Variants in PPFIA2 observed in about 807,000 individuals in gnomAD.
The protein encoded by PPFIA2 is liprin-alpha-2.
Under a neutral mutation model 175.5 loss-of-function variants are expected in PPFIA2, and 46 were observed. The ratio of observed to expected loss-of-function variants is 0.26; its 90% CI spans 0.21 to 0.34. The LOEUF (loss-of-function observed/expected upper bound fraction) is 0.34. PPFIA2 is among the 10% of genes least tolerant of loss of function. The pLI, the probability that PPFIA2 is intolerant of heterozygous loss-of-function variation, is 1.00. For missense variants in PPFIA2, 1,179 were observed against 1,506.1 expected (o/e 0.78, Z 3.60); for synonymous variants, 568 against 511.4 (o/e 1.11, Z -1.49).
intron 18 of PPFIA2, among the ~76,000 whole-genome samples, chr12:81,346,467 T>C (rs1032076755): frequency 1.3e-5 from 2 of 149,078 alleles, no homozygotes; most frequent in African/African-American, 2.4e-5. Flanking sequence ...TTATTATATA[T>C]AAATATATAT....
intron 4 of PPFIA2, among the ~76,000 whole-genome samples, chr12:81,460,590 G>T (rs2054351963): frequency 1.3e-5 from 2 of 152,052 alleles, no homozygotes; most frequent in Admixed American, 1.3e-4. Context: ...CTGAGACTGT[G>T]TAGAGGCAGA....
chr12:81,307,947 A>G (rs1325659766), intron 22 of PPFIA2, among the ~76,000 whole-genome samples: 1 of 125,258 alleles, frequency 8.0e-6, no homozygotes, highest in Non-Finnish European at 1.7e-5. Context: ...CTTATCCTTC[A>G]GACAGAACTC....
chr12:81,348,554 G>A (rs1191263554), intron 17 of PPFIA2, among the ~76,000 whole-genome samples: 5 of 151,962 alleles, frequency 3.3e-5, no homozygotes, highest in African/African-American at 1.2e-4. Context: ...TGGCCAATAT[G>A]GTGAAACCCC....
intron 4 of PPFIA2, among the ~76,000 whole-genome samples, chr12:81,597,156 T>G (rs1201258541): frequency 6.6e-6 from 1 of 152,096 alleles, no homozygotes; most frequent in Admixed American, 6.6e-5. Context: ...TCAAGTTCCT[T>G]TTTCATGTAA....
chr12:81,407,105 G>A (rs1229550006), intron 7 of PPFIA2, among the ~76,000 whole-genome samples: 3 of 152,154 alleles, frequency 2.0e-5, no homozygotes, highest in African/African-American at 4.8e-5. Context: ...GCTTACTCTT[G>A]TTCATCTACA....
chr12:81,660,064 G>A (rs924071760), intron 4 of PPFIA2, among the ~76,000 whole-genome samples: 2 of 152,076 alleles, frequency 1.3e-5, no homozygotes, highest in Non-Finnish European at 2.9e-5. Flanking sequence ...CATCATCAAA[G>A]ACCAAAGGTA....
At chr12:81,686,273 C>A (rs556133260) in intron 3 of PPFIA2, among the ~76,000 whole-genome samples, 1 of 152,118 alleles carries the variant, frequency 6.6e-6, no homozygotes, top group South Asian at 2.1e-4. Flanking sequence ...GAGCTGAGAA[C>A]ATCAGATTTA....
intron 25 of PPFIA2, 147 bp downstream of exon 25, chr12:81,284,094 G>T: frequency 1.6e-6 from 1 of 644,798 alleles, no homozygotes; most frequent in African/African-American, 1.8e-5. Context: ...TGCAGTAAAA[G>T]AAAACTGTAA....
intron 2 of PPFIA2, among the ~76,000 whole-genome samples, chr12:81,756,080 T>G (rs1328898855): frequency 6.6e-6 from 1 of 151,186 alleles, no homozygotes; most frequent in Non-Finnish European, 1.5e-5. Flanking sequence ...AACGATTAGT[T>G]AGCAGGCCAT....
At chr12:81,305,492 T>C (rs2048918199) in intron 22 of PPFIA2, among the ~76,000 whole-genome samples, 1 of 152,172 alleles carries the variant, frequency 6.6e-6, no homozygotes, top group Non-Finnish European at 1.5e-5. Flanking sequence ...AAATTGCATT[T>C]CCAGATTTAC....
At chr12:81,392,781 C>T (rs978416822) in intron 8 of PPFIA2, among the ~76,000 whole-genome samples, 1 of 151,930 alleles carries the variant, frequency 6.6e-6, no homozygotes, top group Non-Finnish European at 1.5e-5. Flanking sequence ...GTGCTTCTCC[C>T]CCAAATATGT....
chr12:81,370,814 T>C (rs1414912063), intron 11 of PPFIA2, among the ~76,000 whole-genome samples: 3 of 151,926 alleles, frequency 2.0e-5, no homozygotes. Flanking sequence ...CATTGCAAGT[T>C]AAGTAATTAT....
chr12:81,385,216 G>T (rs967512084), intron 8 of PPFIA2, among the ~76,000 whole-genome samples: 2 of 152,106 alleles, frequency 1.3e-5, no homozygotes, highest in African/African-American at 4.8e-5. Context: ...GTTGGTAAAA[G>T]AATAAGAATG....
intron 4 of PPFIA2, among the ~76,000 whole-genome samples, chr12:81,564,640 T>A (rs1016730706): frequency 1.2e-4 from 18 of 152,178 alleles, no homozygotes; most frequent in Non-Finnish European, 1.8e-4. Flanking sequence ...CATTTAACAT[T>A]CCTGATTCAC....
intron 4 of PPFIA2, among the ~76,000 whole-genome samples, chr12:81,501,361 T>C (rs1304305606): frequency 6.6e-6 from 1 of 152,178 alleles, no homozygotes; most frequent in African/African-American, 2.4e-5. Context: ...ATCTCCTTAT[T>C]TAAATGTATG....
chr12:81,396,823 G>C (rs1382288355), intron 8 of PPFIA2, among the ~76,000 whole-genome samples: 2 of 152,062 alleles, frequency 1.3e-5, no homozygotes, highest in Non-Finnish European at 2.9e-5. Context: ...TAATTCAGCT[G>C]AGAGATGACA....
intron 4 of PPFIA2, chr12:81,505,945 C>T (rs952830808): frequency 3.3e-5 from 5 of 152,156 alleles, no homozygotes; most frequent in Admixed American, 2.0e-4. Context: ...GCCTCAGGAA[C>T]ATCTGTTCTA....
intron 4 of PPFIA2, among the ~76,000 whole-genome samples, chr12:81,574,496 A>G (rs576260123): frequency 2.2e-4 from 33 of 151,904 alleles, no homozygotes; most frequent in African/African-American, 7.0e-4. Flanking sequence ...CCTTATTTCT[A>G]TGCCACTATG....
chr12:81,745,786 T>G (rs918742967), intron 3 of PPFIA2, among the ~76,000 whole-genome samples: 2 of 152,214 alleles, frequency 1.3e-5, no homozygotes, highest in Non-Finnish European at 2.9e-5. Context: ...ACAGCCACTG[T>G]GGCTGCTTTT....
Sources: allele counts gnomAD v4.1 joint callset (sites outside exome capture counted in the v4.1 genomes callset), GRCh38; gene constraint gnomAD v4.1.1; transcripts MANE v1.5; gene names NCBI Gene and HGNC (gene_info 2026-07-23, HGNC 2026-07-21).